The following PCDH9 variants were observed in gnomAD, a reference collection of about 807,000 sequenced individuals.
The protein encoded by PCDH9 is protocadherin-9.
PCDH9 carries 24 observed loss-of-function variants against 70.6 expected under a neutral mutation model. That is an observed-to-expected ratio of 0.34 (90% CI 0.25 to 0.48). The LOEUF (loss-of-function observed/expected upper bound fraction) is 0.48, where lower values mean the gene tolerates loss of function less well. Ranked by LOEUF, PCDH9 falls within the 20% of genes least tolerant of loss-of-function variation. The pLI is 0.99. For missense variants in PCDH9, 1,281 were observed against 1,503.6 expected, an observed-to-expected ratio of 0.85 and a Z score of 2.45; for synonymous variants, 562 against 558.5, an observed-to-expected ratio of 1.01 and a Z score of -0.09.
intron 2 of PCDH9, chr13:67,222,689 T>C (rs933308066): frequency 1.3e-5 from 2 of 152,180 alleles, no homozygotes; most frequent in African/African-American, 4.8e-5. Flanking sequence ...TCTTCACAGA[T>C]TGTATTTTTT....
intron 2 of PCDH9, among the ~76,000 whole-genome samples, chr13:66,917,375 T>C (rs1381459916): frequency 3.3e-5 from 5 of 151,526 alleles, no homozygotes; most frequent in Admixed American, 6.6e-5. Flanking sequence ...TTGAGAAGCC[T>C]GAGCCAAATG....
At chr13:66,305,101 A>G (rs1955441555) in intron 4 of PCDH9, 73 bp from the exon 5 acceptor site, 2 of 1,310,528 alleles carry the variant, frequency 1.5e-6, no homozygotes, top group African/African-American at 1.5e-5. Flanking sequence ...TCTTAGAGAA[A>G]AAGTATGTTA....
At chr13:66,764,464 A>G (rs1294631015) in intron 3 of PCDH9, among the ~76,000 whole-genome samples, 1 of 152,006 alleles carries the variant, frequency 6.6e-6, no homozygotes, top group African/African-American at 2.4e-5. Flanking sequence ...TTTCAGTTCC[A>G]GACCTCAAAA....
At chr13:66,817,286 CT>C (rs1041862637) in intron 3 of PCDH9, among the ~76,000 whole-genome samples, 4 of 152,028 alleles carry the variant, frequency 2.6e-5, no homozygotes, top group Non-Finnish European at 5.9e-5. Context: ...TTATTAACTC[CT>C]TTAAGAGAAA....
intron 2 of PCDH9, among the ~76,000 whole-genome samples, chr13:66,965,935 C>T (rs1488337797): frequency 6.6e-6 from 1 of 151,806 alleles, no homozygotes; most frequent in Non-Finnish European, 1.5e-5. Flanking sequence ...GAGAAAAAGC[C>T]AGAAATTCAA....
intron 2 of PCDH9, among the ~76,000 whole-genome samples, chr13:66,945,051 T>C (rs2083066972): frequency 6.6e-6 from 1 of 152,082 alleles, no homozygotes; most frequent in African/African-American, 2.4e-5. Flanking sequence ...GCTGATTATT[T>C]TGAGAAACTG....
rs1043822277 is a variant in PCDH9 at position 66,303,282 on chromosome 13, G to A, written c.*1373C>T. The A allele has an allele frequency of 2.6e-5, 4 of 152,280 alleles. No individual in the cohort carries two copies. Among genetic ancestry groups the A allele is most frequent in the East Asian group, 1.9e-4 (1 of 5,162 alleles). The allele number at this position is 152,280 out of a possible 1,614,324, so 9.4% of individuals were successfully genotyped here. Reference sequence around the variant, plus strand: ...TGTTCGAATTTGGATTTGTTTGCACGTGCAACTGAGATCTTATTAACATTA... The same window carrying A: ...TGTTCGAATTTGGATTTGTTTGCACATGCAACTGAGATCTTATTAACATTA... On this transcript the variant is annotated 3_prime_UTR_variant, in exon 5 of 5. Transcript: ENST00000377865.
chr13:66,672,262 A>G (rs1399839319), intron 3 of PCDH9, among the ~76,000 whole-genome samples: 1 of 152,236 alleles, frequency 6.6e-6, no homozygotes, highest in Admixed American at 6.5e-5. Context: ...CTTTCTACGT[A>G]TTGTAAAATT....
intron 3 of PCDH9, among the ~76,000 whole-genome samples, chr13:66,878,397 T>C (rs1052239335): frequency 6.6e-6 from 1 of 151,914 alleles, no homozygotes; most frequent in South Asian, 2.1e-4. Context: ...CGGCTAATTA[T>C]CGTATTTTTA....
At chr13:67,172,576 A>G (rs920894845) in intron 2 of PCDH9, among the ~76,000 whole-genome samples, 2 of 152,078 alleles carry the variant, frequency 1.3e-5, no homozygotes, top group African/African-American at 4.8e-5. Flanking sequence ...TTTTGTGGCC[A>G]TTCAAGAATG....
intron 3 of PCDH9, among the ~76,000 whole-genome samples, chr13:66,746,678 G>A (rs9529126): frequency 0.89 from 135,717 of 152,156 alleles, 62,574 homozygotes; most frequent in Non-Finnish European, 1. Flanking sequence ...AAAAGTTAAC[G>A]TGTCATCTAT....
At chr13:66,523,860 A>G (rs1960102975) in intron 4 of PCDH9, among the ~76,000 whole-genome samples, 1 of 152,086 alleles carries the variant, frequency 6.6e-6, no homozygotes, top group Non-Finnish European at 1.5e-5. Context: ...TAAACTTTTG[A>G]AAAATACTTA....
intron 3 of PCDH9, among the ~76,000 whole-genome samples, chr13:66,636,685 T>A (rs2077642383): frequency 6.6e-6 from 1 of 152,122 alleles, no homozygotes; most frequent in South Asian, 2.1e-4. Flanking sequence ...TTAATTCCCT[T>A]GCCATGCTTG....
At chr13:66,378,849 T>A (rs376171592) in intron 4 of PCDH9, among the ~76,000 whole-genome samples, 19 of 152,174 alleles carry the variant, frequency 1.2e-4, no homozygotes, top group African/African-American at 4.6e-4. Context: ...TTTAGACATC[T>A]AGCAAATAAG....
chr13:66,459,506 A>G (rs979799920), intron 4 of PCDH9, among the ~76,000 whole-genome samples: 1 of 151,712 alleles, frequency 6.6e-6, no homozygotes, highest in Non-Finnish European at 1.5e-5. Flanking sequence ...GAATGTATTC[A>G]TTGTATGAGG....
At chr13:66,686,413 A>G (rs963536816) in intron 3 of PCDH9, among the ~76,000 whole-genome samples, 2 of 152,234 alleles carry the variant, frequency 1.3e-5, no homozygotes, top group African/African-American at 4.8e-5. Context: ...TGAGTCAATT[A>G]AACCTCTTTC....
chr13:67,218,145 A>G (rs548237199), intron 2 of PCDH9: 1 of 152,082 alleles, frequency 6.6e-6, no homozygotes, highest in Non-Finnish European at 1.5e-5. Flanking sequence ...TTAAAACCCC[A>G]CTTAATTTTC....
intron 4 of PCDH9, among the ~76,000 whole-genome samples, chr13:66,626,974 T>A (rs1162074983): frequency 6.6e-6 from 1 of 151,890 alleles, no homozygotes; most frequent in Non-Finnish European, 1.5e-5. Flanking sequence ...TGTGTGTGTG[T>A]GTGTGTGTGT....
At chr13:67,030,351 T>C (rs1037114537) in intron 2 of PCDH9, among the ~76,000 whole-genome samples, 1 of 152,152 alleles carries the variant, frequency 6.6e-6, no homozygotes, top group Non-Finnish European at 1.5e-5. Context: ...AGGATACTTC[T>C]ACCAGAGGTC....
Sources: gnomAD v4.1 joint callset for allele counts (sites outside exome capture counted in the v4.1 genomes callset) on GRCh38, gnomAD v4.1.1 for gene constraint, MANE v1.5 for transcripts, NCBI Gene and HGNC (gene_info 2026-07-23, HGNC 2026-07-21) for gene names.